The following STAU2 variants were observed in gnomAD, a reference collection of about 807,000 sequenced individuals.
The protein encoded by STAU2 is double-stranded RNA-binding protein Staufen homolog 2.
In STAU2, 20 loss-of-function variants were observed where a neutral mutation model predicts 65.9. The ratio of observed to expected loss-of-function variants is 0.30; its 90% CI spans 0.21 to 0.44. STAU2 has a LOEUF of 0.44. STAU2 is among the 20% of genes least tolerant of loss of function. STAU2 has a pLI of 1.00. For synonymous variants in STAU2, 232 were observed against 233.9 expected, an observed-to-expected ratio of 0.99 and a Z score of 0.07; for missense variants, 558 against 683.9, an observed-to-expected ratio of 0.82 and a Z score of 2.05.
chr8:73,482,467 C>T (rs6472781), intron 13 of STAU2, among the ~76,000 whole-genome samples: 98,075 of 151,940 alleles, frequency 0.65, 32,185 homozygotes, highest in East Asian at 0.91. Context: ...AGAAATCCTT[C>T]GCCTTGGCAC....
At chr8:73,673,084 A>G (rs1311974305) in intron 6 of STAU2, 23 bp downstream of exon 6, 5 of 1,523,340 alleles carry the variant, frequency 3.3e-6, no homozygotes, top group Admixed American at 4.5e-5. Context: ...AATTAAGAAC[A>G]AAACCAAAAA....
At chr8:73,724,692 T>TA (rs201944634) in intron 3 of STAU2, among the ~76,000 whole-genome samples, 3,199 of 108,720 alleles carry the variant, frequency 0.029, 45 homozygotes, top group East Asian at 0.095. Flanking sequence ...TATATATATA[T>TA]TTTTTTTTTT....
At chr8:73,446,516 G>A (rs778630071) in intron 13 of STAU2, among the ~76,000 whole-genome samples, 181 of 152,216 alleles carry the variant, frequency 1.2e-3, no homozygotes, top group Non-Finnish European at 2.4e-3. Context: ...AGAGTACGTG[G>A]GACCTCTCTG....
At chr8:73,621,905 G>A (rs1306031464) in intron 6 of STAU2, among the ~76,000 whole-genome samples, 1 of 151,774 alleles carries the variant, frequency 6.6e-6, no homozygotes, top group East Asian at 1.9e-4. Flanking sequence ...GTCCATTCAA[G>A]GAGACCACAC....
chr8:73,465,768 C>G (rs1819621682), intron 13 of STAU2, among the ~76,000 whole-genome samples: 1 of 152,122 alleles, frequency 6.6e-6, no homozygotes, highest in East Asian at 1.9e-4. Context: ...CCCTTGTTGT[C>G]TTTCATTCTA....
chr8:73,593,996 G>T (rs1811005108), intron 11 of STAU2, among the ~76,000 whole-genome samples: 2 of 152,008 alleles, frequency 1.3e-5, no homozygotes, highest in African/African-American at 2.4e-5. Flanking sequence ...ATTAATGCTG[G>T]TTTTTTGTTG....
chr8:73,689,859 A>G (rs1424711052), intron 4 of STAU2, among the ~76,000 whole-genome samples: 1 of 152,180 alleles, frequency 6.6e-6, no homozygotes, highest in Non-Finnish European at 1.5e-5. Context: ...AGTGAGAAGT[A>G]TATATCAACA....
At chr8:73,455,849 A>T (rs1342909924) in intron 13 of STAU2, among the ~76,000 whole-genome samples, 1 of 152,168 alleles carries the variant, frequency 6.6e-6, no homozygotes, top group Non-Finnish European at 1.5e-5. Context: ...TGATGTACAT[A>T]TCTCTCTAGC....
chr8:73,694,041 T>C (rs1819536076), intron 4 of STAU2, among the ~76,000 whole-genome samples: 1 of 152,192 alleles, frequency 6.6e-6, no homozygotes, highest in Non-Finnish European at 1.5e-5. Context: ...AAGGAGAAAT[T>C]AGAATGGCTA....
rs1813121988 is a variant in STAU2, at chr8:73,620,135, T to C, written c.411-2684A>G. Among the ~76,000 whole-genome samples the C allele has an allele frequency of 2.0e-5, 3 of 152,206 alleles. No individual in the cohort carries two copies. The South Asian group carries it at 6.2e-4, about 31-fold the overall frequency. ...TCCTTAATGCAGAAATCTGACAGACTAATATGAATAACGCCGGTCATCTTC... is the reference window on the plus strand; with the variant it reads ...TCCTTAATGCAGAAATCTGACAGACCAATATGAATAACGCCGGTCATCTTC... On this transcript the variant is annotated intron_variant, in intron 6 of 14. Coordinates refer to ENST00000524300, the MANE Select transcript of STAU2 (RefSeq NM_001164380.2).
At chr8:73,721,287 C>CAAAAAAAAA (rs35721754) in intron 3 of STAU2, among the ~76,000 whole-genome samples, 316 of 12,458 alleles carry the variant, frequency 0.025, 42 homozygotes, top group East Asian at 0.076. Flanking sequence ...ACCCCACCTC[C>CAAAAAAAAA]AAAAAAAAAA....
In STAU2 at chr8:73,523,868, G is replaced by A. The variant is rs146642949; in HGVS notation, c.1530+28144C>T. ...CATTTTATAGGAGGTGTGATGGGAAGCCACTGGAAGGTTTTGTGTAGTTGA... is the reference window on the plus strand; with the variant it reads ...CATTTTATAGGAGGTGTGATGGGAAACCACTGGAAGGTTTTGTGTAGTTGA... On this transcript the variant is annotated intron_variant, in intron 13 of 14. Coordinates refer to ENST00000524300, the MANE Select transcript of STAU2 (RefSeq NM_001164380.2). Among the ~76,000 whole-genome samples, 391 of 152,232 alleles carry A rather than the reference G, an allele frequency of 2.6e-3. 3 individuals are homozygous for A. The highest frequency in any genetic ancestry group is 8.9e-3 in the African/African-American group (369 of 41,536).
intron 13 of STAU2, among the ~76,000 whole-genome samples, chr8:73,494,881 ATT>A (rs1821324875): frequency 6.6e-6 from 1 of 151,676 alleles, no homozygotes; most frequent in South Asian, 2.1e-4. Context: ...TAGATTACTG[ATT>A]TACATGCATG....
At chr8:73,452,845 C>T (rs999060172) in intron 13 of STAU2, among the ~76,000 whole-genome samples, 2 of 152,156 alleles carry the variant, frequency 1.3e-5, no homozygotes, top group African/African-American at 4.8e-5. Flanking sequence ...CAGTGACATG[C>T]TAATTTATAG....
intron 3 of STAU2, among the ~76,000 whole-genome samples, chr8:73,731,135 T>C (rs1806039123): frequency 6.6e-6 from 1 of 152,202 alleles, no homozygotes; most frequent in Non-Finnish European, 1.5e-5. Context: ...GCTTTCCAAG[T>C]GTTTTCTTCT....
chr8:73,448,946 G>A (rs578090786), intron 13 of STAU2, among the ~76,000 whole-genome samples: 6 of 152,372 alleles, frequency 3.9e-5, no homozygotes, highest in African/African-American at 1.4e-4. Flanking sequence ...ACTCTGAGGA[G>A]GGGCCTGCAG....
chr8:73,741,543 TG>T (rs1806880871), intron 1 of STAU2, among the ~76,000 whole-genome samples: 1 of 151,632 alleles, frequency 6.6e-6, no homozygotes, highest in South Asian at 2.1e-4. Context: ...GACGGAGTCT[TG>T]CCCTGTCACC....
At chr8:73,485,475 CA>C (rs1820867548) in intron 13 of STAU2, among the ~76,000 whole-genome samples, 1 of 151,924 alleles carries the variant, frequency 6.6e-6, no homozygotes, top group South Asian at 2.1e-4. Flanking sequence ...CAAGTAGGAC[CA>C]CGGAAGGGAG....
At chr8:73,622,450 T>G (rs1813337758) in intron 6 of STAU2, among the ~76,000 whole-genome samples, 1 of 152,090 alleles carries the variant, frequency 6.6e-6, no homozygotes, top group Non-Finnish European at 1.5e-5. Context: ...CTTTTTCATT[T>G]AATCCTCACT....
Sources: gnomAD v4.1 joint callset for allele counts (sites outside exome capture counted in the v4.1 genomes callset) on GRCh38, gnomAD v4.1.1 for gene constraint, MANE v1.5 for transcripts, NCBI Gene and HGNC (gene_info 2026-07-23, HGNC 2026-07-21) for gene names.